ZFPM2: variants seen among roughly 807,000 people sequenced by gnomAD.
ZFPM2 encodes the protein zinc finger protein, FOG family member 2, also known as zinc finger protein ZFPM2.
Under a neutral mutation model 98.6 loss-of-function variants are expected in ZFPM2, and 20 were observed. That is an observed-to-expected ratio of 0.20 (90% confidence interval 0.14 to 0.29). The LOEUF (loss-of-function observed/expected upper bound fraction) is 0.29. ZFPM2 is among the 10% of genes least tolerant of loss of function. The pLI, the probability that ZFPM2 is intolerant of heterozygous loss-of-function variation, is 1.00. For synonymous variants in ZFPM2, 518 were observed against 502.7 expected, an observed-to-expected ratio of 1.03 and a Z score of -0.41; for missense variants, 1,310 against 1,388.6, an observed-to-expected ratio of 0.94 and a Z score of 0.90.
At chr8:105,327,405 G>T (rs1413072276) in intron 1 of ZFPM2, among the ~76,000 whole-genome samples, 1 of 151,346 alleles carries the variant, frequency 6.6e-6, no homozygotes, top group Non-Finnish European at 1.5e-5. Context: ...TACTCCCTTG[G>T]AATATTGAAC....
intron 5 of ZFPM2, among the ~76,000 whole-genome samples, chr8:105,664,321 T>TTGTGTGTGTGTGTGTG (rs148523592): frequency 7.6e-5 from 11 of 144,624 alleles, no homozygotes; most frequent in African/African-American, 2.5e-4. Flanking sequence ...CATAAAATTC[T>TTGTGTGTGTGTGTGTG]TGTGTGTGTG....
intron 5 of ZFPM2, among the ~76,000 whole-genome samples, chr8:105,707,162 G>T (rs1231583980): frequency 6.7e-6 from 1 of 150,224 alleles, no homozygotes; most frequent in Non-Finnish European, 1.5e-5. Flanking sequence ...AGGATCACTT[G>T]AGCCAGGAGA....
intron 5 of ZFPM2, among the ~76,000 whole-genome samples, chr8:105,733,099 A>G (rs755017102): frequency 2.6e-5 from 4 of 151,932 alleles, no homozygotes; most frequent in African/African-American, 4.8e-5. Context: ...TCCGTTCAAT[A>G]TAATAATCTA....
At chr8:105,338,965 C>G (rs1395913075) in intron 1 of ZFPM2, among the ~76,000 whole-genome samples, 1 of 151,662 alleles carries the variant, frequency 6.6e-6, no homozygotes, top group Non-Finnish European at 1.5e-5. Flanking sequence ...TTAACTAGAC[C>G]AGCAGAGTGG....
intron 4 of ZFPM2, among the ~76,000 whole-genome samples, chr8:105,590,568 T>G (rs1815819316): frequency 6.6e-6 from 1 of 152,252 alleles, no homozygotes; most frequent in Non-Finnish European, 1.5e-5. Flanking sequence ...AAAGGTGTTT[T>G]TGAGTTAGTT....
intron 1 of ZFPM2, among the ~76,000 whole-genome samples, chr8:105,341,350 C>A (rs1006585856): frequency 6.6e-5 from 10 of 151,716 alleles, no homozygotes; most frequent in African/African-American, 2.4e-4. Context: ...ATGATTCTGT[C>A]CATATTATGG....
intron 3 of ZFPM2, among the ~76,000 whole-genome samples, chr8:105,448,436 ATATT>A (rs1165061371): frequency 2.6e-5 from 4 of 151,906 alleles, no homozygotes; most frequent in African/African-American, 9.7e-5. Context: ...TATTCAATAA[ATATT>A]TATCTTGCAT....
intron 1 of ZFPM2, among the ~76,000 whole-genome samples, chr8:105,351,968 AC>A (rs1390744921): frequency 6.6e-6 from 1 of 152,226 alleles, no homozygotes; most frequent in Non-Finnish European, 1.5e-5. Context: ...AATGCACATT[AC>A]TGAAGTACAT....
intron 5 of ZFPM2, among the ~76,000 whole-genome samples, chr8:105,667,233 G>A (rs1423427423): frequency 1.3e-5 from 2 of 152,160 alleles, no homozygotes; most frequent in African/African-American, 4.8e-5. Flanking sequence ...CACGGTGTCT[G>A]CCACTATGGG....
chr8:105,620,457 A>G (rs905669443), intron 4 of ZFPM2, among the ~76,000 whole-genome samples: 2 of 152,160 alleles, frequency 1.3e-5, no homozygotes, highest in African/African-American at 4.8e-5. Context: ...GGCAGATTGT[A>G]AAAATGTTCT....
intron 1 of ZFPM2, among the ~76,000 whole-genome samples, chr8:105,375,254 T>C (rs773494589): frequency 9.9e-5 from 15 of 152,192 alleles, no homozygotes; most frequent in Non-Finnish European, 1.9e-4. Context: ...AATTATTTTC[T>C]AGAAAGGAAT....
At chr8:105,445,217 C>G (rs983764523) in intron 3 of ZFPM2, among the ~76,000 whole-genome samples, 1 of 152,152 alleles carries the variant, frequency 6.6e-6, no homozygotes, top group Non-Finnish European at 1.5e-5. Flanking sequence ...AAGAGAGGAA[C>G]TCCAGCAGTA....
At chr8:105,700,143 C>G (rs539115738) in intron 5 of ZFPM2, among the ~76,000 whole-genome samples, 17 of 152,254 alleles carry the variant, frequency 1.1e-4, no homozygotes, top group African/African-American at 3.9e-4. Context: ...ATCAAAACAT[C>G]AAGTCGGCAA....
intron 1 of ZFPM2, among the ~76,000 whole-genome samples, chr8:105,380,470 A>G (rs1810824684): frequency 6.8e-6 from 1 of 147,854 alleles, no homozygotes; most frequent in South Asian, 2.1e-4. Flanking sequence ...AACATTACAT[A>G]AGGACCCTAG....
At chr8:105,398,599 A>G (rs1380031805) in intron 1 of ZFPM2, among the ~76,000 whole-genome samples, 2 of 151,836 alleles carry the variant, frequency 1.3e-5, no homozygotes, top group Admixed American at 1.3e-4. Flanking sequence ...TTAGATTCTC[A>G]TAAGGAGCAT....
intron 3 of ZFPM2, among the ~76,000 whole-genome samples, chr8:105,506,226 TGA>T (rs773137648): frequency 4.6e-5 from 7 of 152,192 alleles, no homozygotes; most frequent in Non-Finnish European, 8.8e-5. Context: ...AATTCTGTGC[TGA>T]GAGAAGGATT....
chr8:105,526,647 C>T (rs1703336583), intron 3 of ZFPM2, among the ~76,000 whole-genome samples: 1 of 152,062 alleles, frequency 6.6e-6, no homozygotes, highest in Non-Finnish European at 1.5e-5. Context: ...AAATCAGTAT[C>T]CAACAAGCCA....
intron 1 of ZFPM2, among the ~76,000 whole-genome samples, chr8:105,408,884 T>C (rs1160606368): frequency 6.6e-6 from 1 of 151,876 alleles, no homozygotes; most frequent in Non-Finnish European, 1.5e-5. Context: ...AAGGTGGTGG[T>C]GGTGCTAAGA....
intron 5 of ZFPM2, among the ~76,000 whole-genome samples, chr8:105,687,235 T>G (rs963204166): frequency 6.6e-6 from 1 of 152,168 alleles, no homozygotes; most frequent in Non-Finnish European, 1.5e-5. Context: ...CCTATTCCCC[T>G]CCCCAATGCA....
Sources: allele counts gnomAD v4.1 joint callset (sites outside exome capture counted in the v4.1 genomes callset), GRCh38; gene constraint gnomAD v4.1.1; transcripts MANE v1.5; gene names NCBI Gene and HGNC (gene_info 2026-07-23, HGNC 2026-07-21).